The following TBC1D5 variants were observed in gnomAD, a reference collection of about 807,000 sequenced individuals.
TBC1D5 encodes the protein TBC1 domain family member 5.
A neutral mutation model predicts 100.3 loss-of-function variants in TBC1D5; 75 were observed. The observed-to-expected ratio is 0.75, with a 90% CI of 0.62 to 0.91. The LOEUF (loss-of-function observed/expected upper bound fraction) is 0.91. Ranked by LOEUF, TBC1D5 falls within the 40% of genes least tolerant of loss-of-function variation. The pLI, the probability that TBC1D5 is intolerant of heterozygous loss-of-function variation, is 0.00. For synonymous variants in TBC1D5, 323 were observed against 325.6 expected (o/e 0.99, Z 0.09); for missense variants, 910 against 942.4 (o/e 0.97, Z 0.45).
intron 2 of TBC1D5, among the ~76,000 whole-genome samples, chr3:17,535,768 CTCTA>C (rs2096275931): frequency 6.6e-6 from 1 of 152,010 alleles, no homozygotes; most frequent in Non-Finnish European, 1.5e-5. Flanking sequence ...AAATCCAGTG[CTCTA>C]TCTCTCACTA....
intron 1 of TBC1D5, among the ~76,000 whole-genome samples, chr3:17,676,894 A>C (rs886085033): frequency 1.3e-5 from 2 of 152,232 alleles, no homozygotes; most frequent in African/African-American, 4.8e-5. Context: ...ACAAACAAGA[A>C]ATGGGGAAAC....
At chr3:17,458,289 T>C (rs944200214) in intron 3 of TBC1D5, among the ~76,000 whole-genome samples, 6 of 152,150 alleles carry the variant, frequency 3.9e-5, no homozygotes, top group African/African-American at 1.4e-4. Flanking sequence ...TGCAAAAAGA[T>C]TTCATCAGTA....
At chr3:17,727,813 A>G (rs1347751970) in intron 1 of TBC1D5, among the ~76,000 whole-genome samples, 1 of 152,220 alleles carries the variant, frequency 6.6e-6, no homozygotes, top group Non-Finnish European at 1.5e-5. Context: ...TAAAACAGTG[A>G]TGTTAAACTT....
In TBC1D5 at chr3:17,591,233, C is replaced by CAAAAAAAAAAAAAAAAAAAA. The variant is rs60889092; in HGVS notation, c.-36+32596_-36+32615dup. Among the ~76,000 whole-genome samples, 15 of 18,664 alleles carry CAAAAAAAAAAAAAAAAAAAA rather than the reference C, an allele frequency of 8.0e-4. 1 individual carries two copies. Among genetic ancestry groups the CAAAAAAAAAAAAAAAAAAAA allele is most frequent in the Non-Finnish European group, 1.4e-3 (10 of 7,130 alleles). The allele number at this position is 18,664 out of a possible 152,430, so 12.2% of individuals were successfully genotyped here. ...ACTGGGCTACAAAGAAAGGATCTGT[C>CAAAAAAAAAAAAAAAAAAAA]AAAAAAAAAAAAAAAAAAAAAAAAA... On this transcript the variant is annotated intron_variant, in intron 2 of 21. Transcript: ENST00000253692.
intron 4 of TBC1D5, among the ~76,000 whole-genome samples, chr3:17,412,513 GAA>G (rs1337028929): frequency 1.3e-5 from 2 of 152,020 alleles, no homozygotes; most frequent in East Asian, 3.9e-4. Flanking sequence ...GAAGTTGGAG[GAA>G]GACATGATTA....
chr3:17,240,705 T>C (rs939438432), intron 16 of TBC1D5, among the ~76,000 whole-genome samples: 1 of 152,192 alleles, frequency 6.6e-6, no homozygotes, highest in Non-Finnish European at 1.5e-5. Context: ...ACTGAAGTTC[T>C]GTTGCATTTT....
At chr3:17,185,005 G>A in intron 19 of TBC1D5, 104 bp downstream of exon 20, 1 of 880,048 alleles carries the variant, frequency 1.1e-6, no homozygotes, top group South Asian at 2.0e-5. Flanking sequence ...ATTAAATAAG[G>A]TAATTCATGT....
At chr3:17,222,863 A>G (rs2733509) in intron 17 of TBC1D5, among the ~76,000 whole-genome samples, 60,183 of 151,772 alleles carry the variant, frequency 0.4, 12,646 homozygotes, top group Middle Eastern at 0.5. Flanking sequence ...TTACAGTTCA[A>G]TTTCAGAGTT....
chr3:17,577,941 T>A (rs1473469933), intron 2 of TBC1D5, among the ~76,000 whole-genome samples: 1 of 152,032 alleles, frequency 6.6e-6, no homozygotes, highest in Non-Finnish European at 1.5e-5. Flanking sequence ...TGTTTCTGAT[T>A]AGCAAGGTGA....
At chr3:17,464,176 C>T (rs1398550856) in intron 3 of TBC1D5, among the ~76,000 whole-genome samples, 2 of 151,960 alleles carry the variant, frequency 1.3e-5, no homozygotes, top group African/African-American at 4.8e-5. Flanking sequence ...GTCTCGAACT[C>T]CAGGTCAGGA....
chr3:17,422,322 C>A (rs1046513721), intron 4 of TBC1D5, among the ~76,000 whole-genome samples: 4 of 151,872 alleles, frequency 2.6e-5, no homozygotes, highest in African/African-American at 9.7e-5. Flanking sequence ...GTGTGTACCA[C>A]CACACTGGCT....
In TBC1D5 at chr3:17,657,577, T is replaced by G. The variant is rs577512903; in HGVS notation, c.-100-33664A>C. ...GTCTCGATCTGCTGACCTCGTGATC[T>G]GCCCGCCTCGGCCTCCCAAAGTGCT... On this transcript the variant is annotated intron_variant, in intron 1 of 21. Transcript: ENST00000253692. 1.1e-4 allele frequency among the ~76,000 whole-genome samples: 16 copies of G among 152,192 alleles called. 1 individual carries two copies. In the South Asian group the frequency reaches 3.3e-3, roughly 32 times the overall value.
intron 15 of TBC1D5, among the ~76,000 whole-genome samples, chr3:17,283,703 C>T (rs1315037230): frequency 3.3e-5 from 5 of 151,814 alleles, no homozygotes; most frequent in African/African-American, 7.3e-5. Context: ...CAAGAATCAC[C>T]GAGAATCCCG....
In TBC1D5 at chr3:17,696,253, C is replaced by T. The variant is rs547364031; in HGVS notation, c.-101+43090G>A. ...AGGCAAGAAATAACTAAGATCAGAG[C>T]AGAACTGAAGGAAATAGAGACACAA... is the stretch of plus-strand genomic sequence containing the variant. On this transcript the variant is annotated intron_variant, in intron 1 of 21. Coordinates refer to ENST00000253692, the Ensembl canonical transcript of TBC1D5. 1.5e-3 allele frequency among the ~76,000 whole-genome samples: 222 copies of T among 151,968 alleles called. 2 individuals are homozygous for T. Among genetic ancestry groups the T allele is most frequent in the Admixed American group, 0.014 (208 of 15,270 alleles).
At chr3:17,674,783 G>C (rs2068410463) in intron 1 of TBC1D5, among the ~76,000 whole-genome samples, 1 of 152,036 alleles carries the variant, frequency 6.6e-6, no homozygotes, top group Non-Finnish European at 1.5e-5. Flanking sequence ...ATGGAAGTTG[G>C]GGAGATGAAG....
At chr3:17,179,388 G>A (rs1575771050) in intron 19 of TBC1D5, among the ~76,000 whole-genome samples, 1 of 152,144 alleles carries the variant, frequency 6.6e-6, no homozygotes. Flanking sequence ...AGTTTATAAA[G>A]TTCTTATGGA....
At chr3:17,227,611 TACC>T (rs1183294139) in intron 17 of TBC1D5, among the ~76,000 whole-genome samples, 2 of 151,870 alleles carry the variant, frequency 1.3e-5, no homozygotes, top group Non-Finnish European at 2.9e-5. Context: ...GAAAACTAAA[TACC>T]ACATGTTCTC....
intron 1 of TBC1D5, among the ~76,000 whole-genome samples, chr3:17,634,809 C>T (rs1180413839): frequency 6.6e-6 from 1 of 152,056 alleles, no homozygotes; most frequent in Non-Finnish European, 1.5e-5. Flanking sequence ...ATTACACATT[C>T]CATGCCTATA....
chr3:17,402,870 A>G (rs1211124344), intron 8 of TBC1D5, among the ~76,000 whole-genome samples: 1 of 152,152 alleles, frequency 6.6e-6, no homozygotes, highest in Non-Finnish European at 1.5e-5. Flanking sequence ...TTTTCTGGCA[A>G]CAAGACTATA....
Sources: allele counts gnomAD v4.1 joint callset (sites outside exome capture counted in the v4.1 genomes callset), GRCh38; gene constraint gnomAD v4.1.1; transcripts MANE v1.5; gene names NCBI Gene and HGNC (gene_info 2026-07-23, HGNC 2026-07-21).